TSC22D3: variants seen among roughly 807,000 people sequenced by gnomAD.
TSC22D3 encodes TSC22 domain family member 3.
TSC22D3 carries 4 observed loss-of-function variants against 11.1 expected under a neutral mutation model. The observed-to-expected ratio is 0.36, with a 90% CI of 0.18 to 0.83. The LOEUF is 0.83. TSC22D3 is among the 40% of genes least tolerant of loss of function. The pLI is 0.48. For missense variants in TSC22D3, 118 were observed against 159.4 expected (o/e 0.74, Z 1.40); for synonymous variants, 77 against 70.3 (o/e 1.10, Z -0.48).
chrX:107,729,359 C>T lies in TSC22D3; in HGVS notation c.321-13409G>A, dbSNP rs779330056. 2.0e-4 allele frequency among the ~76,000 whole-genome samples: 22 copies of T among 111,478 alleles called. No individual in the cohort carries two copies. The South Asian group carries it at 5.7e-3, about 29-fold the overall frequency. ...ATTTCTTTTTACCAAGAGCCTGCTG[C>T]GAACCCAAAGGAATGAGTCTAGTGG... On this transcript the variant is annotated intron_variant, in intron 1 of 2. Transcript: ENST00000372383.
At chrX:107,736,672 G>A (rs911256563) in intron 1 of TSC22D3, among the ~76,000 whole-genome samples, 6 of 111,032 alleles carry the variant, frequency 5.4e-5, no homozygotes, top group Non-Finnish European at 1.1e-4. Context: ...TCCAACCATC[G>A]TCTTTCGGTC....
chrX:107,721,756 G>A (rs1005893346), intron 1 of TSC22D3: 25 of 376,364 alleles, frequency 6.6e-5, no homozygotes, highest in South Asian at 2.6e-4. Context: ...GCACTAGAGC[G>A]TTAACACAGT....
At chrX:107,730,822 G>A (rs990191873) in intron 1 of TSC22D3, among the ~76,000 whole-genome samples, 2 of 111,809 alleles carry the variant, frequency 1.8e-5, no homozygotes, top group African/African-American at 6.5e-5. Flanking sequence ...CTTCCTTTTC[G>A]GGTACCTTCC....
intron 1 of TSC22D3, among the ~76,000 whole-genome samples, chrX:107,765,694 T>A (rs2147788738): frequency 8.9e-6 from 1 of 112,640 alleles, no homozygotes; most frequent in South Asian, 3.7e-4. Context: ...TTCTTTGTTT[T>A]GTTTTCTTTG....
intron 1 of TSC22D3, among the ~76,000 whole-genome samples, chrX:107,732,145 C>G (rs866259766): frequency 1.2e-4 from 13 of 109,273 alleles, no homozygotes; most frequent in Admixed American, 5.8e-4. Flanking sequence ...CCACCCTTCC[C>G]CTCCAGGATT....
At chrX:107,750,452 G>A (rs898988147) in intron 1 of TSC22D3, among the ~76,000 whole-genome samples, 9 of 111,501 alleles carry the variant, frequency 8.1e-5, no homozygotes, top group Non-Finnish European at 1.7e-4. Context: ...AAGCTGAGCA[G>A]AGGAGGAATG....
rs1208495301 is a variant in TSC22D3 at position 107,769,471 on chromosome X, G to T, written c.320+5629C>A. Among the ~76,000 whole-genome samples the T allele has an allele frequency of 9.0e-5, 10 of 111,203 alleles. No homozygotes were observed. In the Admixed American group the frequency reaches 9.6e-4, roughly 11 times the overall value. ...AGAAAGTAGAATAGAGGTTACCAGG[G>T]GGTAGTGGGAGGGGAAAATAGGGAA... On this transcript the variant is annotated intron_variant, in intron 1 of 2. Transcript: ENST00000372383.
chrX:107,754,348 TC>T (rs1479654530), intron 1 of TSC22D3, among the ~76,000 whole-genome samples: 7 of 111,860 alleles, frequency 6.3e-5, no homozygotes, highest in African/African-American at 2.0e-4. Context: ...GGATTTGGAA[TC>T]CATTTGTGAG....
intron 1 of TSC22D3, among the ~76,000 whole-genome samples, chrX:107,772,184 T>C (rs12393867): frequency 0.11 from 12,354 of 110,972 alleles, 1,734 homozygotes; most frequent in African/African-American, 0.39. Flanking sequence ...TGTGCCCTGC[T>C]CTTCTTCCTA....
intron 1 of TSC22D3, among the ~76,000 whole-genome samples, chrX:107,765,214 G>T (rs2147788264): frequency 8.9e-6 from 1 of 111,921 alleles, no homozygotes; most frequent in African/African-American, 3.2e-5. Context: ...GCTGGAAGCG[G>T]CCGCCATAAA....
intron 1 of TSC22D3, among the ~76,000 whole-genome samples, chrX:107,759,647 C>T (rs1193971197): frequency 8.9e-6 from 1 of 112,732 alleles, no homozygotes; most frequent in Non-Finnish European, 1.9e-5. Flanking sequence ...AGTTGGGGTT[C>T]CTCCACGAGC....
intron 1 of TSC22D3, among the ~76,000 whole-genome samples, chrX:107,739,728 A>T (rs1360109748): frequency 2.7e-5 from 3 of 112,753 alleles, no homozygotes; most frequent in Non-Finnish European, 5.6e-5. Context: ...GGACAAAATC[A>T]GGGATAATGG....
At chrX:107,753,293 C>G (rs755831630) in intron 1 of TSC22D3, among the ~76,000 whole-genome samples, 1 of 111,356 alleles carries the variant, frequency 9.0e-6, no homozygotes, top group Non-Finnish European at 1.9e-5. Context: ...CATAGATTCC[C>G]CATGAATACA....
chrX:107,721,361 G>T (rs749573394), intron 1 of TSC22D3, among the ~76,000 whole-genome samples: 4 of 111,853 alleles, frequency 3.6e-5, no homozygotes, highest in East Asian at 5.6e-4. Flanking sequence ...CCTACGTCAG[G>T]TTCCCATGGG....
At chrX:107,746,390 GAC>G (rs1217035887) in intron 1 of TSC22D3, among the ~76,000 whole-genome samples, 2 of 111,152 alleles carry the variant, frequency 1.8e-5, no homozygotes, top group Admixed American at 9.6e-5. Flanking sequence ...ACTCTCACTA[GAC>G]AGACAAGACA....
At chrX:107,736,422 G>A (rs187418532) in intron 1 of TSC22D3, among the ~76,000 whole-genome samples, 23 of 111,590 alleles carry the variant, frequency 2.1e-4, no homozygotes, top group East Asian at 8.4e-4. Flanking sequence ...CTGTGCTGTC[G>A]TGGAATTTTA....
At chrX:107,728,854 G>A (rs1224589470) in intron 1 of TSC22D3, among the ~76,000 whole-genome samples, 1 of 111,779 alleles carries the variant, frequency 8.9e-6, no homozygotes, top group Non-Finnish European at 1.9e-5. Flanking sequence ...AATAGTGGGA[G>A]GGGCTTCTGG....
intron 1 of TSC22D3, among the ~76,000 whole-genome samples, chrX:107,758,971 C>T (rs1295349615): frequency 9.0e-6 from 1 of 111,302 alleles, no homozygotes; most frequent in African/African-American, 3.3e-5. Flanking sequence ...ACCTCCGCCT[C>T]CGGGGTTCAA....
intron 1 of TSC22D3, among the ~76,000 whole-genome samples, chrX:107,757,212 C>G (rs1929217390): frequency 8.9e-6 from 1 of 112,535 alleles, no homozygotes; most frequent in Non-Finnish European, 1.9e-5. Context: ...CTTGTAGCAG[C>G]TGGGAAGTTA....
Sources: gnomAD v4.1 joint callset for allele counts (sites outside exome capture counted in the v4.1 genomes callset) on GRCh38, gnomAD v4.1.1 for gene constraint, MANE v1.5 for transcripts, NCBI Gene and HGNC (gene_info 2026-07-23, HGNC 2026-07-21) for gene names.